FRAS1: variants seen among roughly 807,000 people sequenced by gnomAD.
FRAS1 encodes the protein extracellular matrix organizing protein FRAS1.
In FRAS1, 290 loss-of-function variants were observed where a neutral mutation model predicts 435.2. That is an observed-to-expected ratio of 0.67 (90% CI 0.61 to 0.73). The LOEUF is 0.73. FRAS1 is among the 30% of genes least tolerant of loss of function. FRAS1 has a pLI of 0.00. For missense variants in FRAS1, 4,860 were observed against 5,001.5 expected, an observed-to-expected ratio of 0.97 and a Z score of 0.85; for synonymous variants, 1,800 against 1,851.0, an observed-to-expected ratio of 0.97 and a Z score of 0.71.
intron 45 of FRAS1, among the ~76,000 whole-genome samples, chr4:78,451,337 G>A (rs1719015604): frequency 6.6e-6 from 1 of 152,228 alleles, no homozygotes; most frequent in Non-Finnish European, 1.5e-5. Context: ...GCAATGAAAA[G>A]TGAAGAGTTC....
intron 61 of FRAS1, among the ~76,000 whole-genome samples, chr4:78,506,830 G>A (rs902618083): frequency 3.9e-5 from 6 of 152,266 alleles, no homozygotes; most frequent in African/African-American, 7.2e-5. Context: ...TGTCTTCTGC[G>A]TCAATCATGC....
At chr4:78,255,458 T>C in intron 6 of FRAS1, 83 bp downstream of exon 6, 1 of 1,348,794 alleles carries the variant, frequency 7.4e-7, no homozygotes, top group Non-Finnish European at 1.0e-6. Flanking sequence ...CAGGCAGGCC[T>C]CAGAAGCACT....
intron 14 of FRAS1, among the ~76,000 whole-genome samples, chr4:78,288,347 TC>T (rs988663579): frequency 9.2e-5 from 14 of 152,168 alleles, no homozygotes; most frequent in Non-Finnish European, 1.9e-4. Context: ...GCAACTAATT[TC>T]CCCTAGGTTT....
At chr4:78,531,020 A>T (rs565518444) in intron 70 of FRAS1, among the ~76,000 whole-genome samples, 1 of 152,210 alleles carries the variant, frequency 6.6e-6, no homozygotes, top group African/African-American at 2.4e-5. Flanking sequence ...TTCCTTGAGC[A>T]GTGGTTTGTA....
intron 1 of FRAS1, among the ~76,000 whole-genome samples, chr4:78,060,376 A>G: frequency 6.6e-6 from 1 of 152,210 alleles, no homozygotes. Flanking sequence ...TCACATGTAT[A>G]CTTCTTTTGA....
chr4:78,225,695 A>T (rs1468696129), intron 2 of FRAS1, among the ~76,000 whole-genome samples: 1 of 152,190 alleles, frequency 6.6e-6, no homozygotes, highest in East Asian at 1.9e-4. Context: ...TAAATTCTTG[A>T]TGCCTTGAAT....
In FRAS1 at chr4:78,450,240, C is replaced by T. The variant is rs769684975; in HGVS notation, c.6364C>T (p.Pro2122Ser). The T allele has an allele frequency of 3.1e-6, 5 of 1,613,626 alleles. No individual in the cohort carries two copies. Among genetic ancestry groups the T allele is most frequent in the African/African-American group, 1.3e-5 (1 of 74,884 alleles). Residue 2122 changes from proline to serine, a missense_variant, in exon 45 of 74, where the codon CCT (proline) becomes TCT (serine). Pro to Ser is a moderately conservative substitution (Grantham distance 74, BLOSUM62 -1). Coordinates refer to ENST00000512123, the MANE Select transcript of FRAS1 (RefSeq NM_025074.7). Reference sequence around the variant, plus strand: ...GGTTATGTACATCATGAAGGAAGATCCTGGTGCAGGGCGCCTGCAGATGAT... The same window carrying T: ...GGTTATGTACATCATGAAGGAAGATTCTGGTGCAGGGCGCCTGCAGATGAT... ...HQVMYIMKEDPGAGRLQMMKH... is the reference protein window; with the variant it reads ...HQVMYIMKEDSGAGRLQMMKH...
At chr4:78,422,394 G>A (rs1243037255) in intron 34 of FRAS1, among the ~76,000 whole-genome samples, 1 of 152,134 alleles carries the variant, frequency 6.6e-6, no homozygotes, top group Non-Finnish European at 1.5e-5. Flanking sequence ...GAGCTCTGAG[G>A]AAGAGGGAGA....
chr4:78,430,420 A>G lies in FRAS1; in HGVS notation c.4969+3A>G, dbSNP rs1734169584. The G allele has an allele frequency of 1.9e-6, 3 of 1,612,576 alleles. No individual in the cohort carries two copies. The highest frequency in any genetic ancestry group is 1.7e-5 in the Admixed American group (1 of 59,954). ...GTTCCGAAGGCCGATGGCCACAGGT[A>G]GCTACACACCTACACACTCTGTCAC... On this transcript the variant is annotated splice_donor_region_variant and intron_variant, in intron 37 of 73. Coordinates refer to ENST00000512123, the MANE Select transcript of FRAS1 (RefSeq NM_025074.7).
intron 29 of FRAS1, among the ~76,000 whole-genome samples, chr4:78,396,701 A>T (rs1732684760): frequency 6.6e-6 from 1 of 152,118 alleles, no homozygotes; most frequent in African/African-American, 2.4e-5. Context: ...AACTTTGTTC[A>T]TTCTTTTTTA....
chr4:78,234,236 A>T (rs1724639080), intron 2 of FRAS1, among the ~76,000 whole-genome samples: 1 of 151,516 alleles, frequency 6.6e-6, no homozygotes, highest in Non-Finnish European at 1.5e-5. Flanking sequence ...ATTTTTATTT[A>T]TTTTTTTGAG....
chr4:78,130,771 T>A (rs1479069060), intron 2 of FRAS1, among the ~76,000 whole-genome samples: 1 of 152,006 alleles, frequency 6.6e-6, no homozygotes, highest in African/African-American at 2.4e-5. Flanking sequence ...GAACTAAGAG[T>A]TGAAAGGTAA....
At chr4:78,333,818 G>A (rs958176103) in intron 19 of FRAS1, among the ~76,000 whole-genome samples, 2 of 152,198 alleles carry the variant, frequency 1.3e-5, no homozygotes, top group African/African-American at 4.8e-5. Flanking sequence ...GACAGAGAGA[G>A]AGAGATAGGG....
At chr4:78,533,786 T>A (rs1721798143) in intron 70 of FRAS1, among the ~76,000 whole-genome samples, 1 of 152,198 alleles carries the variant, frequency 6.6e-6, no homozygotes, top group Non-Finnish European at 1.5e-5. Flanking sequence ...CAGATATGTG[T>A]TTCGGAGCTT....
intron 14 of FRAS1, among the ~76,000 whole-genome samples, chr4:78,288,169 G>A (rs1727701518): frequency 6.6e-6 from 1 of 152,170 alleles, no homozygotes; most frequent in Non-Finnish European, 1.5e-5. Context: ...TTTAAAACAG[G>A]TTCAAAGTGG....
At chr4:78,334,721 G>A (rs1730101905) in intron 19 of FRAS1, among the ~76,000 whole-genome samples, 1 of 151,804 alleles carries the variant, frequency 6.6e-6, no homozygotes, top group Non-Finnish European at 1.5e-5. Flanking sequence ...ATACGTGTGT[G>A]TATATTTATC....
At chr4:78,069,791 T>G (rs1281888430) in intron 2 of FRAS1, among the ~76,000 whole-genome samples, 1 of 140,886 alleles carries the variant, frequency 7.1e-6, no homozygotes, top group Non-Finnish European at 1.6e-5. Context: ...AAATAGTTTT[T>G]TTTTTTTTTT....
At position 78,521,579 on chromosome 4, in the gene FRAS1, C is replaced by G; in HGVS notation, c.10597C>G (p.Arg3533Gly). Residue 3533 changes from arginine to glycine, a missense_variant, in exon 68 of 74, where the codon CGA becomes GGA. Arg to Gly is a moderately radical substitution (Grantham distance 125). Transcript: ENST00000512123. ...GCTTCAGATAATAAGAATCTACATT[C>G]GAGAGGATGGCCGTCTTGTCATTGA... ...ARLQIIRIYI[R>G]EDGRLVIEFK... The G allele has an allele frequency of 6.2e-7, 1 of 1,611,286 alleles. No homozygotes were observed. Among genetic ancestry groups the G allele is most frequent in the Non-Finnish European group, 8.5e-7 (1 of 1,178,644 alleles).
At position 78,127,797 on chromosome 4, in the gene FRAS1, G is replaced by A. The variant is rs1008779656; in HGVS notation, c.108+61781G>A. ...AAGTTTTAGGGTACATGTGCGCAACGTGCAGGTTTGTTACATATGTATACC... is the reference window on the plus strand; with the variant it reads ...AAGTTTTAGGGTACATGTGCGCAACATGCAGGTTTGTTACATATGTATACC... On this transcript the variant is annotated intron_variant, in intron 2 of 73. Coordinates refer to ENST00000512123, the MANE Select transcript of FRAS1 (RefSeq NM_025074.7). 2.5e-4 allele frequency among the ~76,000 whole-genome samples: 38 copies of A among 151,648 alleles called. No homozygotes were observed. In the East Asian group the frequency reaches 2.7e-3, roughly 11 times the overall value.
Sources: allele counts gnomAD v4.1 joint callset (sites outside exome capture counted in the v4.1 genomes callset), GRCh38; gene constraint gnomAD v4.1.1; transcripts MANE v1.5; gene names NCBI Gene and HGNC (gene_info 2026-07-23, HGNC 2026-07-21).